Variants in VANGL1 observed in about 807,000 individuals in gnomAD.
The protein encoded by VANGL1 is vang-like protein 1.
In VANGL1, 18 loss-of-function variants were observed where a neutral mutation model predicts 48.4. That is an observed-to-expected ratio of 0.37 (90% CI 0.26 to 0.55). VANGL1 has a LOEUF of 0.55. Among genes scored for constraint, VANGL1 ranks in the 20% least tolerant of loss-of-function variants. The pLI is 0.81. For synonymous variants in VANGL1, 257 were observed against 261.8 expected, an observed-to-expected ratio of 0.98 and a Z score of 0.18; for missense variants, 667 against 675.8, an observed-to-expected ratio of 0.99 and a Z score of 0.14.
At chr1:115,672,323 C>T (rs1052073024) in intron 4 of VANGL1, among the ~76,000 whole-genome samples, 1 of 152,252 alleles carries the variant, frequency 6.6e-6, no homozygotes, top group South Asian at 2.1e-4. Flanking sequence ...GAATTTCAAA[C>T]CAAAAGCCAG....
rs147473269 is a variant in VANGL1, at chr1:115,679,870, G to GGGT, written c.813-2493_813-2491dup. Among the ~76,000 whole-genome samples the GGGT allele has an allele frequency of 7.2e-5, 11 of 152,192 alleles. No individual in the cohort carries two copies. In the East Asian group the frequency reaches 2.1e-3, roughly 29 times the overall value. Reference sequence around the variant, plus strand: ...GGATGAAGTGAGTTTGAACCCCAGTGGGTCTGTGTGTATAAACTGAGTCTT... The same window carrying GGGT: ...GGATGAAGTGAGTTTGAACCCCAGTGGGTGGTCTGTGTGTATAAACTGAGTCTT... On this transcript the variant is annotated intron_variant, in intron 4 of 7. Transcript: ENST00000355485.
intron 4 of VANGL1, among the ~76,000 whole-genome samples, chr1:115,680,943 A>G (rs1402429406): frequency 6.6e-6 from 1 of 152,210 alleles, no homozygotes; most frequent in Non-Finnish European, 1.5e-5. Flanking sequence ...TCCAAAGGGC[A>G]AGATAAAAAT....
chr1:115,674,694 A>G (rs1653098914), intron 4 of VANGL1, among the ~76,000 whole-genome samples: 1 of 152,230 alleles, frequency 6.6e-6, no homozygotes, highest in African/African-American at 2.4e-5. Flanking sequence ...TGAAGGGATC[A>G]AATTCATATT....
rs374024136 is a variant in VANGL1 at position 115,663,725 on chromosome 1, A to G, written c.269A>G (p.Glu90Gly). ...TGTSEHSISQ[E>G]DIARISKDME... The stretch of plus-strand genomic sequence containing the variant: ...ACCTCGGAGCACAGCATATCCCAAG[A>G]GGACATTGCCAGGATCAGCAAGGAC... Residue 90 changes from glutamate to glycine, a missense_variant, in exon 4 of 8, where the codon GAG (glutamate) becomes GGG (glycine). By Grantham distance (98) the Glu-to-Gly change is moderately conservative. Coordinates refer to ENST00000355485, the MANE Select transcript of VANGL1 (RefSeq NM_138959.3). The G allele has an allele frequency of 1.2e-6, 2 of 1,614,078 alleles. No homozygotes were observed. Among genetic ancestry groups the G allele is most frequent in the Non-Finnish European group, 1.7e-6 (2 of 1,180,036 alleles).
At chr1:115,648,720 C>G (rs1652031102) in intron 1 of VANGL1, among the ~76,000 whole-genome samples, 1 of 152,168 alleles carries the variant, frequency 6.6e-6, no homozygotes, top group Admixed American at 6.5e-5. Context: ...GAGAGGCAAA[C>G]ATTTGCCCCC....
chr1:115,668,297 G>A (rs1372274326), intron 4 of VANGL1, among the ~76,000 whole-genome samples: 3 of 152,148 alleles, frequency 2.0e-5, no homozygotes, highest in East Asian at 3.8e-4. Context: ...TGCCAGCCTC[G>A]GTGCCAGATA....
rs867892644 is a variant in VANGL1 at position 115,663,772 on chromosome 1, G to C, written c.316G>C (p.Asp106His). 5 of 1,614,212 alleles carry C rather than the reference G, an allele frequency of 3.1e-6. No individual in the cohort carries two copies. The highest frequency in any genetic ancestry group is 2.7e-5 in the African/African-American group (2 of 75,056). ...GGACATGGAGGACAGCGTGGGGCTG[G>C]ATTGCAAACGCTACCTGGGCCTCAC... ...SKDMEDSVGL[D>H]CKRYLGLTVA... Residue 106 changes from aspartate to histidine, a missense_variant, in exon 4 of 8, where the codon GAT (aspartate) becomes CAT (histidine). By Grantham distance (81) the Asp-to-His change is moderately conservative. Coordinates refer to ENST00000355485, the MANE Select transcript of VANGL1 (RefSeq NM_138959.3).
intron 4 of VANGL1, chr1:115,670,954 G>A (rs1435984825): frequency 1.3e-5 from 2 of 152,560 alleles, no homozygotes; most frequent in Non-Finnish European, 2.9e-5. Context: ...TGGAGCTGCC[G>A]TTTGTGGTTT....
intron 2 of VANGL1, among the ~76,000 whole-genome samples, chr1:115,652,088 C>G (rs1447261505): frequency 6.6e-6 from 1 of 152,146 alleles, no homozygotes; most frequent in African/African-American, 2.4e-5. Context: ...GTGTTCATTG[C>G]TTGTTGCTTT....
intron 5 of VANGL1, 99 bp downstream of exon 5, chr1:115,682,596 T>G: frequency 1.9e-5 from 29 of 1,529,672 alleles, no homozygotes; most frequent in Non-Finnish European, 2.4e-5. Context: ...TCTCTGGGCC[T>G]ACCTTTATGG....
intron 2 of VANGL1, among the ~76,000 whole-genome samples, chr1:115,651,747 A>G (rs1241627117): frequency 6.7e-6 from 1 of 150,240 alleles, no homozygotes; most frequent in Non-Finnish European, 1.5e-5. Context: ...AATGTTTTTC[A>G]TTTCTAGGTA....
rs746435949 is a variant in VANGL1 at position 115,651,458 on chromosome 1, T to G, written c.45T>G (p.Ser15Arg). ...ATTCTGGATATTCTTACTATTCAAG[T>G]CATTCGAAAAAATCTCACAGACAAG... ...STYSGYSYYSSHSKKSHRQGE... is the reference protein window; with the variant it reads ...STYSGYSYYSRHSKKSHRQGE... Residue 15 changes from serine to arginine, a missense_variant, in exon 2 of 8, where the codon AGT (serine) becomes AGG (arginine). Ser to Arg is a moderately radical substitution (Grantham distance 110, BLOSUM62 -1). Transcript: ENST00000355485. 6.2e-7 allele frequency: 1 copy of G among 1,614,122 alleles called. No individual in the cohort carries two copies. The highest frequency in any genetic ancestry group is 8.5e-7 in the Non-Finnish European group (1 of 1,180,006).
At chr1:115,675,587 G>A (rs1653131033) in intron 4 of VANGL1, among the ~76,000 whole-genome samples, 1 of 152,000 alleles carries the variant, frequency 6.6e-6, no homozygotes. Flanking sequence ...ATCATCTGAG[G>A]TCAGGAGTGC....
intron 6 of VANGL1, among the ~76,000 whole-genome samples, chr1:115,684,520 G>T (rs532593251): frequency 1.3e-5 from 2 of 152,258 alleles, no homozygotes; most frequent in Admixed American, 6.5e-5. Flanking sequence ...GGACACCTTT[G>T]GAGTGCACCT....
At chr1:115,649,881 TG>T (rs1371344740) in intron 1 of VANGL1, among the ~76,000 whole-genome samples, 7 of 152,136 alleles carry the variant, frequency 4.6e-5, no homozygotes, top group Non-Finnish European at 7.4e-5. Flanking sequence ...TACTAAACAG[TG>T]GCTGGGCTCA....
intron 4 of VANGL1, among the ~76,000 whole-genome samples, chr1:115,672,613 C>T (rs909652121): frequency 6.6e-6 from 1 of 152,200 alleles, no homozygotes; most frequent in African/African-American, 2.4e-5. Context: ...TTAAACCAGA[C>T]CTGTCAGTAA....
chr1:115,665,217 CA>C (rs1485461884), intron 4 of VANGL1, among the ~76,000 whole-genome samples: 4 of 152,228 alleles, frequency 2.6e-5, no homozygotes, highest in African/African-American at 9.6e-5. Flanking sequence ...CCTTATACCT[CA>C]TTACATCCTC....
At chr1:115,657,577 G>A (rs1652395853) in intron 2 of VANGL1, among the ~76,000 whole-genome samples, 1 of 151,606 alleles carries the variant, frequency 6.6e-6, no homozygotes, top group South Asian at 2.1e-4. Context: ...ATTGTTAGAT[G>A]CGTCTCTGGG....
rs1211916461 is a variant in VANGL1 at position 115,694,574 on chromosome 1, G to A, written c.*3195G>A. On this transcript the variant is annotated 3_prime_UTR_variant, in exon 8 of 8. Transcript: ENST00000355485. ...TTACCTAAGGGCTGTAGCTCTGTGG[G>A]ATGCTACCAGCATATTGGACTGACA... The A allele has an allele frequency of 6.6e-6, 1 of 152,108 alleles. No homozygotes were observed. The highest frequency in any genetic ancestry group is 6.5e-5 in the Admixed American group (1 of 15,270). The allele number at this position is 152,108 out of a possible 1,614,324, so 9.4% of individuals were successfully genotyped here.
Sources: gnomAD v4.1 joint callset for allele counts (sites outside exome capture counted in the v4.1 genomes callset) on GRCh38, gnomAD v4.1.1 for gene constraint, MANE v1.5 for transcripts, NCBI Gene and HGNC (gene_info 2026-07-23, HGNC 2026-07-21) for gene names.